The following CYFIP1 variants were observed in gnomAD, a reference collection of about 807,000 sequenced individuals.
CYFIP1 encodes cytoplasmic FMR1 interacting protein 1.
Under a neutral mutation model 163.5 loss-of-function variants are expected in CYFIP1, and 58 were observed. That is an observed-to-expected ratio of 0.35 (90% CI 0.29 to 0.44). CYFIP1 has a LOEUF of 0.44. CYFIP1 is among the 20% of genes least tolerant of loss of function. The pLI is 1.00. For missense variants in CYFIP1, 1,338 were observed against 1,653.8 expected, an observed-to-expected ratio of 0.81 and a Z score of 3.31; for synonymous variants, 663 against 660.7, an observed-to-expected ratio of 1.00 and a Z score of -0.05.
Position 22,917,829 on chromosome 15 carries a change from T to C in CYFIP1, c.1633A>G (p.Ile545Val), listed in dbSNP as rs1355255341. Reference sequence around the variant, plus strand: ...CCCACGGCGCGGCGTGGTACTTTTATGTCGAAGCCGCTCTTGGGGTCCTTC... The same window carrying C: ...CCCACGGCGCGGCGTGGTACTTTTACGTCGAAGCCGCTCTTGGGGTCCTTC... ...GEKDPKSGFD[I>V]KVPRRAVGPS... is the part of the protein sequence containing the mutation. The change falls in exon 15 of 31, where the codon ATA becomes GTA. Residue 545 changes from isoleucine to valine, a missense_variant. Physicochemically the swap from Ile to Val is conservative, Grantham distance 29 (BLOSUM62 3). Around this residue, in one of 4 missense-constraint regions of CYFIP1, gnomAD observed 824 missense variants for 995.7 expected, o/e 0.83. Transcript: ENST00000617928. The surrounding 1 kb of genome is among the most constrained non-coding windows in gnomAD (Gnocchi z 4.2). The C allele has an allele frequency of 9.9e-6, 16 of 1,613,786 alleles. No homozygotes were observed. Among genetic ancestry groups the C allele is most frequent in the Non-Finnish European group, 1.3e-5 (15 of 1,179,900 alleles).
intron 11 of CYFIP1, among the ~76,000 whole-genome samples, chr15:22,931,944 G>A (rs866811051): frequency 1.3e-5 from 2 of 152,016 alleles, no homozygotes; most frequent in African/African-American, 2.4e-5. Flanking sequence ...GCACAGCAAC[G>A]TGCTCCATAG....
rs770600159 is a variant in CYFIP1, at chr15:22,914,930, A to C, written c.1829-48T>G. ...ATGTTATCTCCCGCAAGCAAAAAAA[A>C]ACCTTTAGCAGAGATGACACAAGGG... is the stretch of plus-strand genomic sequence containing the variant. On this transcript the variant is annotated intron_variant, in intron 16 of 30. Transcript: ENST00000617928. 8 of 1,561,498 alleles carry C rather than the reference A, an allele frequency of 5.1e-6. No individual in the cohort carries two copies. The Middle Eastern group carries it at 6.9e-4, about 135-fold the overall frequency.
intron 13 of CYFIP1, among the ~76,000 whole-genome samples, chr15:22,925,039 C>T (rs527261030): frequency 3.0e-4 from 45 of 152,208 alleles, no homozygotes; most frequent in African/African-American, 1.1e-3. Flanking sequence ...ATTTTTATTA[C>T]TTTTCACTGT....
intron 26 of CYFIP1, among the ~76,000 whole-genome samples, chr15:22,879,063 G>A (rs527667108): frequency 6.6e-6 from 1 of 152,054 alleles, no homozygotes; most frequent in South Asian, 2.1e-4. Flanking sequence ...GTGAACCCGG[G>A]AGGCGGAGCT....
At chr15:22,947,354 G>A (rs564820356) in intron 1 of CYFIP1, 63 bp from the exon 2 acceptor site, 5 of 1,581,680 alleles carry the variant, frequency 3.2e-6, no homozygotes, top group African/African-American at 2.7e-5. Context: ...AACAAGCTTC[G>A]AGGTTGGGTA....
In CYFIP1 at chr15:22,869,882, C is replaced by A; in HGVS notation, c.*146G>T. Reference sequence around the variant, plus strand: ...ACAATTTTAGTCTAGAAAAATAAGTCAATTTTATAAAATTAAGTTTTTAGA... The same window carrying A: ...ACAATTTTAGTCTAGAAAAATAAGTAAATTTTATAAAATTAAGTTTTTAGA... On this transcript the variant is annotated 3_prime_UTR_variant, in exon 31 of 31. Transcript: ENST00000617928. 1.5e-6 allele frequency: 1 copy of A among 670,498 alleles called. No individual in the cohort carries two copies. The highest frequency in any genetic ancestry group is 4.6e-5 in the South Asian group (1 of 21,806). 41.5% of individuals were successfully genotyped at this position (670,498 alleles called of 1,614,324 possible). A position where few individuals can be genotyped will look rare whatever the true frequency, so the allele number is the denominator to read the frequency against.
At chr15:22,889,197 A>C in intron 23 of CYFIP1, among the ~76,000 whole-genome samples, 1 of 152,338 alleles carries the variant, frequency 6.6e-6, no homozygotes, top group East Asian at 1.9e-4. Flanking sequence ...TTAAAAAAAA[A>C]TCAAATTCAC....
In CYFIP1 at chr15:22,867,698, G is replaced by GTT; in HGVS notation, c.*2328_*2329dup. On this transcript the variant is annotated 3_prime_UTR_variant, in exon 31 of 31. Coordinates refer to ENST00000617928, the MANE Select transcript of CYFIP1 (RefSeq NM_014608.6). ...GGGTTGTTTCTTAAATTTAGCTCATGTTATAATAAAAAGTTGAAATGAAGT... is the reference window on the plus strand; with the variant it reads ...GGGTTGTTTCTTAAATTTAGCTCATGTTTTATAATAAAAAGTTGAAATGAAGT... 1 of 152,422 alleles carries GTT rather than the reference G, an allele frequency of 6.6e-6. No individual in the cohort carries two copies. The highest frequency in any genetic ancestry group is 1.9e-4 in the East Asian group (1 of 5,192). The allele number at this position is 152,422 out of a possible 1,614,324, so 9.4% of individuals were successfully genotyped here.
rs770167325 is a variant in CYFIP1, at chr15:22,927,890, C to T, written c.1233+16G>A. 4 of 1,589,896 alleles carry T rather than the reference C, an allele frequency of 2.5e-6. No homozygotes were observed. The highest frequency in any genetic ancestry group is 1.9e-5 in the Admixed American group (1 of 53,292). On this transcript the variant is annotated intron_variant, in intron 12 of 30. Coordinates refer to ENST00000617928, the MANE Select transcript of CYFIP1 (RefSeq NM_014608.6). ...GGCAGCTTTGGAGCGGGGCTGGGGTCGGGGACGGGGCCTACCACTTCCATC... is the reference window on the plus strand; with the variant it reads ...GGCAGCTTTGGAGCGGGGCTGGGGTTGGGGACGGGGCCTACCACTTCCATC...
chr15:22,897,575 C>T (rs2060277128), intron 22 of CYFIP1, among the ~76,000 whole-genome samples: 1 of 151,950 alleles, frequency 6.6e-6, no homozygotes, highest in Non-Finnish European at 1.5e-5. Flanking sequence ...CCTTGACGTC[C>T]CGGGTTCAAG....
At chr15:22,872,505 C>T in intron 30 of CYFIP1, 1 of 277,730 alleles carries the variant, frequency 3.6e-6, no homozygotes, top group Non-Finnish European at 6.9e-6. Flanking sequence ...GACAAAAGGC[C>T]TTTAAAGCAG....
chr15:22,897,687 T>A (rs1320046577), intron 22 of CYFIP1, among the ~76,000 whole-genome samples: 1 of 152,130 alleles, frequency 6.6e-6, no homozygotes, highest in East Asian at 1.9e-4. Flanking sequence ...TTTCACCATG[T>A]TGGCCAGGCT....
intron 1 of CYFIP1, among the ~76,000 whole-genome samples, chr15:22,950,287 C>T (rs1411264434): frequency 3.3e-5 from 5 of 152,068 alleles, no homozygotes; most frequent in Non-Finnish European, 7.4e-5. Flanking sequence ...GTAGGTAAGT[C>T]GAAAGCAAAA....
chr15:22,947,381 C>A, intron 1 of CYFIP1, 90 bp from the exon 2 acceptor site: 2 of 1,537,516 alleles, frequency 1.3e-6, no homozygotes, highest in Non-Finnish European at 1.8e-6. Context: ...CCTCTAACCC[C>A]TTCCCGCTCT....
At position 22,867,894 on chromosome 15, in the gene CYFIP1, A is replaced by AAGGT. The variant is rs1333902227; in HGVS notation, c.*2130_*2133dup. 1.3e-5 allele frequency: 2 copies of AAGGT among 152,240 alleles called. No individual in the cohort carries two copies. The highest frequency in any genetic ancestry group is 1.9e-4 in the East Asian group (1 of 5,200). The allele number at this position is 152,240 out of a possible 1,614,324, so 9.4% of individuals were successfully genotyped here. On this transcript the variant is annotated 3_prime_UTR_variant, in exon 31 of 31. Coordinates refer to ENST00000617928, the MANE Select transcript of CYFIP1 (RefSeq NM_014608.6). ...TGGAAAACTGCAAACATATGCAGAA[A>AAGGT]AGGTAGAATAATAAAAAAGGTCTAA...
intron 22 of CYFIP1, among the ~76,000 whole-genome samples, chr15:22,902,688 G>GCC (rs2060435408): frequency 1.9e-4 from 29 of 152,206 alleles, no homozygotes; most frequent in African/African-American, 7.0e-4. Flanking sequence ...GGCCCCCTGA[G>GCC]CTGAAAAGCC....
chr15:22,892,450 C>T (rs960973479), intron 23 of CYFIP1, among the ~76,000 whole-genome samples: 5 of 152,132 alleles, frequency 3.3e-5, no homozygotes, highest in African/African-American at 1.2e-4. Flanking sequence ...CAGACCTTCC[C>T]TGGGCTCACC....
intron 1 of CYFIP1, among the ~76,000 whole-genome samples, chr15:22,952,100 A>C (rs1001943958): frequency 6.6e-6 from 1 of 152,224 alleles, no homozygotes; most frequent in African/African-American, 2.4e-5. Flanking sequence ...GTTGAACCTT[A>C]ACGACCTTAG....
chr15:22,932,441 G>A (rs896448358), intron 10 of CYFIP1, 101 bp from the exon 11 acceptor site: 5 of 671,858 alleles, frequency 7.4e-6, no homozygotes, highest in African/African-American at 1.9e-5. Context: ...CCACACAAAT[G>A]GCTTTTATGT....
Sources: gnomAD v4.1 joint callset for allele counts (sites outside exome capture counted in the v4.1 genomes callset) on GRCh38, gnomAD v4.1.1 for gene constraint, gnomAD v4.1.1 regional missense constraint, Gnocchi (gnomAD v3.1) non-coding constraint, MANE v1.5 for transcripts, NCBI Gene and HGNC (gene_info 2026-07-23, HGNC 2026-07-21) for gene names.